The following ZCCHC14 variants were observed in gnomAD, a reference collection of about 807,000 sequenced individuals.
The protein encoded by ZCCHC14 is zinc finger CCHC-type containing 14.
ZCCHC14 carries 16 observed loss-of-function variants against 85.0 expected under a neutral mutation model. The observed-to-expected ratio is 0.19, with a 90% CI of 0.13 to 0.29. The LOEUF (loss-of-function observed/expected upper bound fraction) is 0.29. Ranked by LOEUF, ZCCHC14 falls within the 10% of genes least tolerant of loss-of-function variation. The pLI is 1.00. For synonymous variants in ZCCHC14, 775 were observed against 630.7 expected (o/e 1.23, Z -3.43); for missense variants, 1,303 against 1,443.5 (o/e 0.90, Z 1.58).
intron 2 of ZCCHC14, among the ~76,000 whole-genome samples, chr16:87,459,656 C>G (rs756371455): frequency 5.9e-5 from 9 of 151,946 alleles, no homozygotes; most frequent in African/African-American, 1.2e-4. Flanking sequence ...ATTACAGATG[C>G]CCGCCACCAC....
intron 3 of ZCCHC14, among the ~76,000 whole-genome samples, chr16:87,431,717 G>A (rs765332745): frequency 6.6e-6 from 1 of 152,140 alleles, no homozygotes; most frequent in Non-Finnish European, 1.5e-5. Context: ...AGTATCTGAA[G>A]AGGCCTGACA....
chr16:87,462,633 G>A (rs1008299787), intron 1 of ZCCHC14, among the ~76,000 whole-genome samples: 1 of 152,046 alleles, frequency 6.6e-6, no homozygotes, highest in Admixed American at 6.6e-5. Flanking sequence ...CCAGCTACTC[G>A]GGAGGCTGAG....
intron 1 of ZCCHC14, chr16:87,467,315 G>GC (rs1418253500): frequency 6.3e-7 from 1 of 1,583,476 alleles, no homozygotes; most frequent in Non-Finnish European, 8.7e-7. Flanking sequence ...ATGTAACACT[G>GC]CCCCAAGCGA....
chr16:87,447,625 G>C (rs1446048881), intron 2 of ZCCHC14, among the ~76,000 whole-genome samples: 1 of 152,202 alleles, frequency 6.6e-6, no homozygotes, highest in Non-Finnish European at 1.5e-5. Context: ...CATCTGGGTT[G>C]TTTCCAGTTT....
chr16:87,410,865 C>G (rs768475349), intron 12 of ZCCHC14, among the ~76,000 whole-genome samples: 5 of 152,310 alleles, frequency 3.3e-5, no homozygotes, highest in Non-Finnish European at 7.4e-5. Flanking sequence ...CCCTTAGAAG[C>G]AACTGGAAGT....
At chr16:87,442,780 C>T (rs1431810479) in intron 2 of ZCCHC14, among the ~76,000 whole-genome samples, 3 of 152,214 alleles carry the variant, frequency 2.0e-5, no homozygotes, top group African/African-American at 7.2e-5. Flanking sequence ...TACATTACCT[C>T]ATAGGAGAAA....
chr16:87,458,887 G>A (rs1911112392), intron 2 of ZCCHC14, among the ~76,000 whole-genome samples: 1 of 152,162 alleles, frequency 6.6e-6, no homozygotes, highest in Non-Finnish European at 1.5e-5. Context: ...TGACCCCACT[G>A]GAAAGCGCCA....
intron 1 of ZCCHC14, among the ~76,000 whole-genome samples, chr16:87,479,463 T>G (rs1378490839): frequency 4.6e-5 from 7 of 151,450 alleles, no homozygotes; most frequent in Non-Finnish European, 8.8e-5. Context: ...TTTCTGGTAA[T>G]TCTATTGATG....
At chr16:87,456,313 G>A (rs1216067199) in intron 2 of ZCCHC14, among the ~76,000 whole-genome samples, 4 of 151,940 alleles carry the variant, frequency 2.6e-5, no homozygotes, top group African/African-American at 4.8e-5. Flanking sequence ...GGCGGATCAC[G>A]AGGTCAGGAG....
chr16:87,460,659 C>T (rs1173943406), intron 1 of ZCCHC14, among the ~76,000 whole-genome samples: 2 of 152,072 alleles, frequency 1.3e-5, no homozygotes, highest in African/African-American at 2.4e-5. Context: ...CACTACACTC[C>T]AGCCTGGGCA....
rs775209872 is a variant in ZCCHC14, at chr16:87,412,501, G to A, written c.2220C>T (p.Asp740=). ...RTKVVHASTL[D]RVLKTAQQPA... is the part of the protein sequence containing the mutation. ...GTTGCTGTGCTGTCTTCAGCACCCT[G>A]TCCAGCGTGGATGCATGCACGACTT... Residue 740 remains aspartate, a synonymous_variant, in exon 12 of 13, where the codon GAC becomes GAT. Coordinates refer to ENST00000671377, the MANE Select transcript of ZCCHC14 (RefSeq NM_015144.3). 2.5e-6 allele frequency: 4 copies of A among 1,614,046 alleles called. No homozygotes were observed. Among genetic ancestry groups the A allele is most frequent in the Middle Eastern group, 3.3e-4 (2 of 6,062 alleles).
intron 2 of ZCCHC14, among the ~76,000 whole-genome samples, chr16:87,455,218 G>A (rs1444299972): frequency 3.3e-5 from 5 of 152,168 alleles, no homozygotes; most frequent in Non-Finnish European, 5.9e-5. Flanking sequence ...ACCCCAGGAG[G>A]TGGAGGTTGT....
intron 1 of ZCCHC14, among the ~76,000 whole-genome samples, chr16:87,478,510 T>G (rs1226456900): frequency 6.6e-6 from 1 of 152,198 alleles, no homozygotes; most frequent in Non-Finnish European, 1.5e-5. Flanking sequence ...GTGCAAGTTC[T>G]GTGAGTATCT....
chr16:87,423,676 T>C (rs1292144503), intron 4 of ZCCHC14, 134 bp downstream of exon 4: 1 of 937,190 alleles, frequency 1.1e-6, no homozygotes, highest in East Asian at 2.5e-5. Flanking sequence ...CCACTGTGGC[T>C]GGGCAGGAGG....
At chr16:87,453,576 C>A (rs115855438) in intron 2 of ZCCHC14, among the ~76,000 whole-genome samples, 1 of 152,218 alleles carries the variant, frequency 6.6e-6, no homozygotes, top group African/African-American at 2.4e-5. Context: ...GCCCCAGCCA[C>A]GGTGGAGGGC....
At chr16:87,484,537 C>G (rs1912427250) in intron 1 of ZCCHC14, among the ~76,000 whole-genome samples, 1 of 152,184 alleles carries the variant, frequency 6.6e-6, no homozygotes, top group African/African-American at 2.4e-5. Context: ...ATGTAAGATC[C>G]TACGTGTATC....
At position 87,410,204 on chromosome 16, in the gene ZCCHC14, C is replaced by T. The variant is rs1360702714; in HGVS notation, c.*76G>A. Reference sequence around the variant, plus strand: ...TTAAAAAGATTAAGCTCAACAGCAACTAGACTTCTCAGTTTTGTATTTAAT... The same window carrying T: ...TTAAAAAGATTAAGCTCAACAGCAATTAGACTTCTCAGTTTTGTATTTAAT... On this transcript the variant is annotated 3_prime_UTR_variant, in exon 13 of 13. Coordinates refer to ENST00000671377, the MANE Select transcript of ZCCHC14 (RefSeq NM_015144.3). 5 of 651,110 alleles carry T rather than the reference C, an allele frequency of 7.7e-6. No individual in the cohort carries two copies. The African/African-American group carries it at 9.3e-5, about 12-fold the overall frequency. The allele number at this position is 651,110 out of a possible 1,614,324, so 40.3% of individuals were successfully genotyped here.
intron 1 of ZCCHC14, chr16:87,467,342 C>A (rs761667247): frequency 2.8e-5 from 45 of 1,593,688 alleles, no homozygotes; most frequent in Non-Finnish European, 3.8e-5. Context: ...AAAAAGATTT[C>A]ATCCAACTCT....
intron 3 of ZCCHC14, among the ~76,000 whole-genome samples, chr16:87,431,381 G>C (rs1032425135): frequency 1.3e-5 from 2 of 148,188 alleles, no homozygotes; most frequent in Non-Finnish European, 3.0e-5. Flanking sequence ...GCTGAGGCAG[G>C]AAAATGGTGT....
Sources: gnomAD v4.1 joint callset for allele counts (sites outside exome capture counted in the v4.1 genomes callset) on GRCh38, gnomAD v4.1.1 for gene constraint, MANE v1.5 for transcripts, NCBI Gene and HGNC (gene_info 2026-07-23, HGNC 2026-07-21) for gene names.